SPIRE1: variants seen among roughly 807,000 people sequenced by gnomAD.
SPIRE1 encodes protein spire homolog 1.
In SPIRE1, 40 loss-of-function variants were observed where a neutral mutation model predicts 94.1. That is an observed-to-expected ratio of 0.43 (90% CI 0.33 to 0.55). The LOEUF is 0.55. Ranked by LOEUF, SPIRE1 falls within the 20% of genes least tolerant of loss-of-function variation. The pLI is 0.06. For missense variants in SPIRE1, 838 were observed against 975.2 expected, an observed-to-expected ratio of 0.86 and a Z score of 1.87; for synonymous variants, 376 against 371.7, an observed-to-expected ratio of 1.01 and a Z score of -0.13.
chr18:12,558,440 G>T (rs1055691560), intron 2 of SPIRE1, among the ~76,000 whole-genome samples: 1 of 152,198 alleles, frequency 6.6e-6, no homozygotes, highest in Non-Finnish European at 1.5e-5. Flanking sequence ...TGCAAAGAGC[G>T]AAAGAACAAA....
intron 4 of SPIRE1, among the ~76,000 whole-genome samples, chr18:12,530,089 T>A (rs1041062821): frequency 2.6e-5 from 4 of 152,180 alleles, no homozygotes; most frequent in African/African-American, 9.6e-5. Flanking sequence ...TACAGCATCC[T>A]CAATTTTGAT....
intron 2 of SPIRE1, among the ~76,000 whole-genome samples, chr18:12,599,226 T>A (rs895458498): frequency 2.0e-5 from 3 of 152,208 alleles, no homozygotes; most frequent in Non-Finnish European, 2.9e-5. Flanking sequence ...TAACCCAGGC[T>A]CATCCATTGC....
In SPIRE1 at chr18:12,474,729, G is replaced by C. The variant is rs141462112; in HGVS notation, c.1404+4970C>G. On this transcript the variant is annotated intron_variant, in intron 10 of 16. Transcript: ENST00000409402. ...CCCAGCTACTCGGGAGGCTGAAGCA[G>C]AATTGCTTGAACCCGGGAGTCGGAG... Among the ~76,000 whole-genome samples the C allele has an allele frequency of 3.2e-3, 491 of 152,220 alleles. 1 individual carries two copies. The highest frequency in any genetic ancestry group is 0.011 in the African/African-American group (460 of 41,518).
chr18:12,606,407 C>A (rs554453264), intron 2 of SPIRE1, among the ~76,000 whole-genome samples: 1 of 152,128 alleles, frequency 6.6e-6, no homozygotes, highest in South Asian at 2.1e-4. Flanking sequence ...AGAAAAGAAA[C>A]AAAGAAAAAG....
chr18:12,524,091 C>T (rs1271136613), intron 4 of SPIRE1, among the ~76,000 whole-genome samples: 2 of 152,060 alleles, frequency 1.3e-5, no homozygotes, highest in South Asian at 4.1e-4. Context: ...GTTTGGAATC[C>T]AACCCGCAAT....
intron 1 of SPIRE1, among the ~76,000 whole-genome samples, chr18:12,642,696 T>C (rs184916206): frequency 9.2e-5 from 14 of 152,178 alleles, no homozygotes; most frequent in African/African-American, 2.9e-4. Flanking sequence ...GTCTCACTCA[T>C]AAGTGGGAGT....
intron 10 of SPIRE1, among the ~76,000 whole-genome samples, chr18:12,472,446 C>T (rs1486675736): frequency 3.3e-5 from 5 of 150,202 alleles, no homozygotes; most frequent in African/African-American, 9.8e-5. Flanking sequence ...CAGCTCACTG[C>T]AGCCTTGACC....
At chr18:12,535,380 A>G in intron 4 of SPIRE1, 96 bp downstream of exon 4, 1 of 1,300,816 alleles carries the variant, frequency 7.7e-7, no homozygotes, top group Non-Finnish European at 1.1e-6. Context: ...AAAACAATAC[A>G]GCGGACAATA....
rs1478455412 is a variant in SPIRE1, at chr18:12,567,256, A to G, written c.373-20352T>C. On this transcript the variant is annotated intron_variant, in intron 2 of 16. Coordinates refer to ENST00000409402, the MANE Select transcript of SPIRE1 (RefSeq NM_001128626.2). Reference sequence around the variant, plus strand: ...CCCAAAATAAAATACTTAGGTGTCAATCTAACAAAATACATACAAGATCTG... The same window carrying G: ...CCCAAAATAAAATACTTAGGTGTCAGTCTAACAAAATACATACAAGATCTG... Among the ~76,000 whole-genome samples the G allele has an allele frequency of 2.0e-5, 3 of 152,316 alleles. No homozygotes were observed. The South Asian group carries it at 6.2e-4, about 32-fold the overall frequency.
chr18:12,638,252 C>T (rs71351499), intron 1 of SPIRE1, among the ~76,000 whole-genome samples: 2 of 152,052 alleles, frequency 1.3e-5, no homozygotes, highest in Non-Finnish European at 2.9e-5. Context: ...TGAAACCAGC[C>T]TAGGTAACAT....
intron 6 of SPIRE1, among the ~76,000 whole-genome samples, chr18:12,498,201 C>T (rs374457914): frequency 4.3e-4 from 65 of 152,254 alleles, no homozygotes; most frequent in Admixed American, 1.5e-3. Flanking sequence ...AGGTTTGTGA[C>T]GCTAAACCTG....
chr18:12,582,510 T>C (rs546836731), intron 2 of SPIRE1, among the ~76,000 whole-genome samples: 1 of 152,324 alleles, frequency 6.6e-6, no homozygotes, highest in East Asian at 1.9e-4. Context: ...TGTATAATTA[T>C]ACAGTTAATA....
At chr18:12,635,886 GTTTT>G (rs958839716) in intron 1 of SPIRE1, among the ~76,000 whole-genome samples, 19 of 150,320 alleles carry the variant, frequency 1.3e-4, no homozygotes, top group African/African-American at 3.9e-4. Context: ...GGTTTTTTTG[GTTTT>G]TTTTGTTTTT....
At chr18:12,485,601 A>G (rs1376390994) in intron 9 of SPIRE1, among the ~76,000 whole-genome samples, 1 of 152,148 alleles carries the variant, frequency 6.6e-6, no homozygotes, top group Non-Finnish European at 1.5e-5. Context: ...TTTTGTTTCT[A>G]TGAAGTTTTT....
At chr18:12,504,595 T>C (rs1363428561) in intron 6 of SPIRE1, among the ~76,000 whole-genome samples, 2 of 152,212 alleles carry the variant, frequency 1.3e-5, no homozygotes, top group African/African-American at 2.4e-5. Context: ...AAAATGTGGA[T>C]AGAATTCATT....
intron 1 of SPIRE1, among the ~76,000 whole-genome samples, chr18:12,635,420 C>T (rs1164475808): frequency 1.3e-5 from 2 of 152,032 alleles, no homozygotes; most frequent in African/African-American, 4.8e-5. Flanking sequence ...TTTTAAGAAA[C>T]ACCTTAAAAT....
At chr18:12,499,967 T>C (rs1567892752) in intron 6 of SPIRE1, among the ~76,000 whole-genome samples, 1 of 152,168 alleles carries the variant, frequency 6.6e-6, no homozygotes, top group Non-Finnish European at 1.5e-5. Flanking sequence ...TGAAATCATG[T>C]CCTTTGCAGC....
chr18:12,509,911 C>T lies in SPIRE1; in HGVS notation c.807+2543G>A, dbSNP rs555182656. 2.8e-4 allele frequency among the ~76,000 whole-genome samples: 42 copies of T among 151,868 alleles called. No individual in the cohort carries two copies. In the South Asian group the frequency reaches 8.8e-3, roughly 32 times the overall value. The stretch of plus-strand genomic sequence containing the variant: ...ATCAGCCTGACCAACATGGTGAAAC[C>T]CTGTCTCTACTAAAAATACAAAAAT... On this transcript the variant is annotated intron_variant, in intron 5 of 16. Coordinates refer to ENST00000409402, the MANE Select transcript of SPIRE1 (RefSeq NM_001128626.2).
chr18:12,484,302 A>G, intron 9 of SPIRE1, among the ~76,000 whole-genome samples: 1 of 152,332 alleles, frequency 6.6e-6, no homozygotes, highest in South Asian at 2.1e-4. Context: ...TGACATATAT[A>G]TTACTATGTT....
Sources: gnomAD v4.1 joint callset for allele counts (sites outside exome capture counted in the v4.1 genomes callset) on GRCh38, gnomAD v4.1.1 for gene constraint, MANE v1.5 for transcripts, NCBI Gene and HGNC (gene_info 2026-07-23, HGNC 2026-07-21) for gene names.